FRMPD4: variants seen among roughly 807,000 people sequenced by gnomAD.
The protein encoded by FRMPD4 is FERM and PDZ domain containing 4.
FRMPD4 carries 22 observed loss-of-function variants against 94.1 expected under a neutral mutation model. The observed-to-expected ratio is 0.23, with a 90% CI of 0.17 to 0.33. The LOEUF (loss-of-function observed/expected upper bound fraction) is 0.33, where lower values mean the gene tolerates loss of function less well. FRMPD4 is among the 10% of genes least tolerant of loss of function. The pLI is 1.00. For synonymous variants in FRMPD4, 631 were observed against 548.6 expected (o/e 1.15, Z -2.10); for missense variants, 1,111 against 1,339.9 (o/e 0.83, Z 2.67).
At chrX:12,474,537 C>T (rs888232982) in intron 1 of FRMPD4, among the ~76,000 whole-genome samples, 13 of 110,659 alleles carry the variant, frequency 1.2e-4, no homozygotes, top group Non-Finnish European at 1.9e-4. Context: ...TTTTTTGAAA[C>T]GATCAACAAA....
At chrX:12,031,434 G>A (rs2054690932) in intron 3 of FRMPD4, among the ~76,000 whole-genome samples, 2 of 112,286 alleles carry the variant, frequency 1.8e-5, no homozygotes, top group African/African-American at 6.5e-5. Context: ...CCATTGCAAG[G>A]TGGAAATGAT....
intron 6 of FRMPD4, among the ~76,000 whole-genome samples, chrX:12,685,535 C>G (rs1306263317): frequency 9.4e-6 from 1 of 106,628 alleles, no homozygotes; most frequent in Non-Finnish European, 1.9e-5. Flanking sequence ...TAAGCCATTC[C>G]TTATCTTTTC....
chrX:12,246,181 G>A (rs972780425), intron 1 of FRMPD4, among the ~76,000 whole-genome samples: 4 of 111,738 alleles, frequency 3.6e-5, no homozygotes, highest in African/African-American at 1.3e-4. Context: ...ACCCCACGGG[G>A]TTTCTGAAAA....
chrX:12,343,586 G>A (rs1207017417), intron 1 of FRMPD4, among the ~76,000 whole-genome samples: 3 of 112,037 alleles, frequency 2.7e-5, no homozygotes, highest in African/African-American at 9.7e-5. Flanking sequence ...CTGAGAACAG[G>A]TCAGGATTGA....
At chrX:12,575,170 TAAAA>T (rs1390352672) in intron 2 of FRMPD4, among the ~76,000 whole-genome samples, 4 of 111,909 alleles carry the variant, frequency 3.6e-5, no homozygotes. Flanking sequence ...ATAAAAGAAA[TAAAA>T]AGTGTACTTT....
intron 1 of FRMPD4, among the ~76,000 whole-genome samples, chrX:12,222,488 C>G (rs980030): frequency 0.14 from 16,009 of 111,283 alleles, 1,197 homozygotes; most frequent in East Asian, 0.49. Flanking sequence ...ATTTTGACAT[C>G]GTTTTTGAGA....
At chrX:12,479,433 T>C (rs946375411) in intron 1 of FRMPD4, among the ~76,000 whole-genome samples, 30 of 100,787 alleles carry the variant, frequency 3.0e-4, no homozygotes, top group Non-Finnish European at 5.1e-4. Flanking sequence ...CGTATATATA[T>C]ACACACATAT....
intron 3 of FRMPD4, among the ~76,000 whole-genome samples, chrX:12,116,917 T>C (rs1040515161): frequency 8.9e-6 from 1 of 112,532 alleles, no homozygotes; most frequent in Non-Finnish European, 1.9e-5. Context: ...GGCCCATTAA[T>C]CTTTTTTAAA....
chrX:11,931,794 G>A (rs1372246584), intron 3 of FRMPD4, among the ~76,000 whole-genome samples: 1 of 112,104 alleles, frequency 8.9e-6, no homozygotes. Context: ...TTTTCCTTAA[G>A]CAGTACAAAT....
In FRMPD4 at chrX:12,618,068, A is replaced by C. The variant is rs59394027; in HGVS notation, c.422+3187A>C. On this transcript the variant is annotated intron_variant, in intron 4 of 16. Coordinates refer to ENST00000675598, the MANE Select transcript of FRMPD4 (RefSeq NM_001368397.1). ...AGTTGTTAACTCTAACTCAGACTGT[A>C]TAATGGTGTTTGAGGACTAAAATCT... 9.7e-3 allele frequency among the ~76,000 whole-genome samples: 1,082 copies of C among 111,823 alleles called. 18 individuals carry two copies. The highest frequency in any genetic ancestry group is 0.033 in the African/African-American group (1,027 of 30,804).
intron 3 of FRMPD4, among the ~76,000 whole-genome samples, chrX:12,024,909 G>A (rs913307293): frequency 6.3e-5 from 7 of 111,244 alleles, no homozygotes; most frequent in Middle Eastern, 4.7e-3. Flanking sequence ...TGAATATTCC[G>A]CAATTTATTT....
chrX:12,596,068 A>G (rs1400490066), intron 2 of FRMPD4, among the ~76,000 whole-genome samples: 1 of 112,191 alleles, frequency 8.9e-6, no homozygotes, highest in East Asian at 2.8e-4. Flanking sequence ...CCAGGGAATT[A>G]AAAAGATATA....
chrX:12,334,822 A>G (rs963625567), intron 1 of FRMPD4, among the ~76,000 whole-genome samples: 14 of 111,597 alleles, frequency 1.3e-4, no homozygotes, highest in Admixed American at 2.9e-4. Context: ...AGACATAAAG[A>G]CAGCTCTAGT....
intron 1 of FRMPD4, among the ~76,000 whole-genome samples, chrX:12,283,973 G>T (rs893058317): frequency 2.7e-5 from 3 of 111,519 alleles, no homozygotes; most frequent in African/African-American, 9.8e-5. Context: ...AAATTCCATG[G>T]CCAACTAGTG....
chrX:12,270,149 G>A (rs1238605319), intron 1 of FRMPD4, among the ~76,000 whole-genome samples: 1 of 111,678 alleles, frequency 9.0e-6, no homozygotes, highest in Non-Finnish European at 1.9e-5. Context: ...TGGGCCACAT[G>A]TAGAATTTCT....
chrX:11,874,748 C>A (rs2053774168), intron 2 of FRMPD4, among the ~76,000 whole-genome samples: 1 of 111,340 alleles, frequency 9.0e-6, no homozygotes, highest in African/African-American at 3.3e-5. Flanking sequence ...AGATTAATTC[C>A]CTGGAAGAAA....
chrX:12,169,958 C>G (rs2056192089), intron 1 of FRMPD4, among the ~76,000 whole-genome samples: 1 of 111,768 alleles, frequency 8.9e-6, no homozygotes, highest in Non-Finnish European at 1.9e-5. Flanking sequence ...GCCTGCAGGC[C>G]AATTTGTCAA....
At chrX:12,069,380 A>C (rs1377009793) in intron 3 of FRMPD4, among the ~76,000 whole-genome samples, 5 of 111,576 alleles carry the variant, frequency 4.5e-5, no homozygotes, top group Non-Finnish European at 9.4e-5. Context: ...CCGGTTTGCT[A>C]CATGGAAATT....
At chrX:11,862,554 C>A (rs2053693120) in intron 1 of FRMPD4, among the ~76,000 whole-genome samples, 1 of 110,857 alleles carries the variant, frequency 9.0e-6, no homozygotes, top group African/African-American at 3.3e-5. Context: ...TGTGTCAGGG[C>A]TCCAGCTCCT....
Sources: allele counts gnomAD v4.1 joint callset (sites outside exome capture counted in the v4.1 genomes callset), GRCh38; gene constraint gnomAD v4.1.1; transcripts MANE v1.5; gene names NCBI Gene and HGNC (gene_info 2026-07-23, HGNC 2026-07-21).